Variants in METTL9 observed in about 807,000 individuals in gnomAD.
METTL9 encodes protein-L-histidine N-pros-methyltransferase.
METTL9 carries 10 observed loss-of-function variants against 36.0 expected under a neutral mutation model. The observed-to-expected ratio is 0.28, with a 90% CI of 0.17 to 0.47. The LOEUF is 0.47. METTL9 is among the 20% of genes least tolerant of loss of function. The pLI, the probability that METTL9 is intolerant of heterozygous loss-of-function variation, is 0.99. For synonymous variants in METTL9, 175 were observed against 149.7 expected (o/e 1.17, Z -1.23); for missense variants, 246 against 383.5 (o/e 0.64, Z 3.00).
intron 4 of METTL9, chr16:21,627,389 A>C: frequency 2.0e-6 from 2 of 985,042 alleles, no homozygotes; most frequent in Non-Finnish European, 2.4e-6. Flanking sequence ...CAGTTTTGCT[A>C]TTTGGAAAAA....
chr16:21,653,923 C>CT (rs1431512454), intron 4 of METTL9: 1 of 151,690 alleles, frequency 6.6e-6, no homozygotes, highest in Non-Finnish European at 1.5e-5. Context: ...AGAGCGTCAT[C>CT]TGCACCACTG....
intron 2 of METTL9, among the ~76,000 whole-genome samples, chr16:21,614,124 T>A (rs749356541): frequency 6.6e-6 from 1 of 152,190 alleles, no homozygotes; most frequent in Non-Finnish European, 1.5e-5. Flanking sequence ...TGCCATACGT[T>A]TGCTTTGGCA....
At chr16:21,599,369 G>A, upstream of METTL9, 2 of 1,041,120 alleles carry the variant, frequency 1.9e-6, no homozygotes, top group Non-Finnish European at 2.3e-6. The surrounding 1 kb of genome is among the most constrained non-coding windows in gnomAD (Gnocchi z 4.4). Context: ...GCCAAGGCAG[G>A]GCCGGGACAC....
intron 4 of METTL9, among the ~76,000 whole-genome samples, chr16:21,650,550 T>TCCC (rs1264616106): frequency 6.7e-6 from 1 of 149,448 alleles, no homozygotes; most frequent in East Asian, 2.0e-4. Context: ...GTGGCGGGGA[T>TCCC]AGCTGACTTT....
At chr16:21,632,398 A>G (rs1965985794) in intron 4 of METTL9, among the ~76,000 whole-genome samples, 1 of 152,170 alleles carries the variant, frequency 6.6e-6, no homozygotes, top group Non-Finnish European at 1.5e-5. Flanking sequence ...ACTATGGCAT[A>G]ATCTGCCCTT....
intron 1 of METTL9, among the ~76,000 whole-genome samples, chr16:21,606,119 G>A (rs1033291451): frequency 6.6e-6 from 1 of 152,142 alleles, no homozygotes; most frequent in Non-Finnish European, 1.5e-5. Flanking sequence ...GGTGGATCAC[G>A]AGGTCAGGAG....
intron 2 of METTL9, among the ~76,000 whole-genome samples, chr16:21,614,078 T>G (rs1305251390): frequency 2.0e-5 from 3 of 152,164 alleles, no homozygotes; most frequent in African/African-American, 7.2e-5. Context: ...TTTCTCAAGA[T>G]TTCTCAGTTG....
chr16:21,612,330 C>T (rs954391258), intron 1 of METTL9: 2 of 209,886 alleles, frequency 9.5e-6, no homozygotes, highest in Non-Finnish European at 1.9e-5. Context: ...GCTGGGAGTC[C>T]GAGTGCCTGA....
intron 4 of METTL9, among the ~76,000 whole-genome samples, chr16:21,631,317 C>G (rs1211311168): frequency 6.6e-6 from 1 of 152,150 alleles, no homozygotes; most frequent in Non-Finnish European, 1.5e-5. Flanking sequence ...TATGTTTACA[C>G]TGTTAACTTT....
chr16:21,626,437 G>C (rs1216639407), intron 4 of METTL9, among the ~76,000 whole-genome samples: 3 of 152,120 alleles, frequency 2.0e-5, no homozygotes, highest in Admixed American at 6.5e-5. Flanking sequence ...TTTCTCCCCA[G>C]ATCTTAGTGC....
chr16:21,627,825 C>T (rs532628112), intron 4 of METTL9, among the ~76,000 whole-genome samples: 5 of 152,004 alleles, frequency 3.3e-5, no homozygotes, highest in Non-Finnish European at 5.9e-5. Flanking sequence ...TGGTGGTGGG[C>T]GCCTGTAGTT....
chr16:21,618,800 A>G (rs546535398), intron 3 of METTL9, among the ~76,000 whole-genome samples: 63 of 150,686 alleles, frequency 4.2e-4, no homozygotes, highest in African/African-American at 1.5e-3. Context: ...TACAACCTCT[A>G]CCTCTCAGGT....
intron 1 of METTL9, among the ~76,000 whole-genome samples, chr16:21,603,692 A>G (rs1965199997): frequency 6.6e-6 from 1 of 152,170 alleles, no homozygotes. Flanking sequence ...GTTCTTGGTA[A>G]TAATAGCGGT....
chr16:21,629,726 T>C (rs1965901619), intron 4 of METTL9, among the ~76,000 whole-genome samples: 8 of 152,150 alleles, frequency 5.3e-5, no homozygotes, highest in Admixed American at 5.2e-4. Context: ...TCAGCATGGA[T>C]GGGGACCCAG....
intron 4 of METTL9, among the ~76,000 whole-genome samples, chr16:21,627,901 C>G (rs764921610): frequency 6.6e-6 from 1 of 152,010 alleles, no homozygotes; most frequent in Non-Finnish European, 1.5e-5. Context: ...TGCCGTGAGC[C>G]GAGATTGCAC....
At chr16:21,631,477 T>C (rs1965959305) in intron 4 of METTL9, among the ~76,000 whole-genome samples, 1 of 152,188 alleles carries the variant, frequency 6.6e-6, no homozygotes, top group Non-Finnish European at 1.5e-5. Flanking sequence ...CTCAGCTGAG[T>C]GCAAACAGCT....
intron 4 of METTL9, chr16:21,646,889 C>T (rs997020627): frequency 4.0e-6 from 2 of 494,132 alleles, no homozygotes; most frequent in African/African-American, 3.9e-5. Flanking sequence ...CTCCTGACCT[C>T]AAGTGATTCG....
intron 4 of METTL9, chr16:21,654,203 A>C (rs2068572655): frequency 1.3e-5 from 2 of 151,810 alleles, no homozygotes; most frequent in Admixed American, 6.6e-5. Flanking sequence ...TGCCATGCCC[A>C]GCTAATTTTT....
chr16:21,619,587 A>ATTTTTTTTTTT (rs35728063), intron 3 of METTL9, among the ~76,000 whole-genome samples: 705 of 124,160 alleles, frequency 5.7e-3, no homozygotes, highest in East Asian at 0.012. Context: ...TGCCCGGCTA[A>ATTTTTTTTTTT]TTTTTTTTTT....
Sources: allele counts gnomAD v4.1 joint callset (sites outside exome capture counted in the v4.1 genomes callset), GRCh38; gene constraint gnomAD v4.1.1; non-coding constraint Gnocchi (gnomAD v3.1); transcripts MANE v1.5; gene names NCBI Gene and HGNC (gene_info 2026-07-23, HGNC 2026-07-21).